The following MDN1 variants were observed in gnomAD, a reference collection of about 807,000 sequenced individuals.
MDN1 encodes midasin AAA ATPase 1.
MDN1 carries 266 observed loss-of-function variants against 669.2 expected under a neutral mutation model. The ratio of observed to expected loss-of-function variants is 0.40; its 90% CI spans 0.36 to 0.44. The LOEUF is 0.44. MDN1 is among the 20% of genes least tolerant of loss of function. The pLI is 1.00. For missense variants in MDN1, 5,940 were observed against 6,754.0 expected (o/e 0.88, Z 4.22); for synonymous variants, 2,385 against 2,457.1 (o/e 0.97, Z 0.87).
At chr6:89,683,060 G>A (rs963266095) in intron 73 of MDN1, 72 bp downstream of exon 73, 4 of 1,460,242 alleles carry the variant, frequency 2.7e-6, no homozygotes, top group Non-Finnish European at 1.9e-6. Context: ...ACTGAGGCAT[G>A]CCTTGCACAT....
intron 84 of MDN1, among the ~76,000 whole-genome samples, chr6:89,665,363 G>C (rs1441419305): frequency 1.3e-5 from 2 of 151,958 alleles, no homozygotes; most frequent in Non-Finnish European, 2.9e-5. Flanking sequence ...TGTGCTATTT[G>C]GGGCAAAAAG....
chr6:89,681,399 C>A (rs923019195), intron 73 of MDN1, among the ~76,000 whole-genome samples: 8 of 152,178 alleles, frequency 5.3e-5, no homozygotes, highest in Non-Finnish European at 7.3e-5. Context: ...GTTTCGAACT[C>A]CTGGTCTCAA....
intron 20 of MDN1, 39 bp downstream of exon 20, chr6:89,756,238 A>G: frequency 1.0e-6 from 1 of 1,004,636 alleles, no homozygotes; most frequent in African/African-American, 1.7e-5. Context: ...TTTCATGTTC[A>G]GAGAAAGAGC....
chr6:89,809,865 T>C (rs1270191904), intron 1 of MDN1, among the ~76,000 whole-genome samples: 1 of 148,996 alleles, frequency 6.7e-6, no homozygotes, highest in Non-Finnish European at 1.5e-5. Context: ...GGTGTATGCC[T>C]GTAGTCCCTA....
chr6:89,761,793 T>C lies in MDN1; in HGVS notation c.2357-45A>G, dbSNP rs192993461. 1.7e-3 allele frequency: 2,281 copies of C among 1,317,622 alleles called. 3 individuals carry two copies. Among genetic ancestry groups the C allele is most frequent in the Admixed American group, 3.0e-3 (155 of 52,202 alleles). The allele number at this position is 1,317,622 out of a possible 1,614,324, so 81.6% of individuals were successfully genotyped here. ...ATTCAGCACACATTTTGAATTGTAA[T>C]ATATACAACTTCTAAACAAACAAAT... On this transcript the variant is annotated intron_variant, in intron 16 of 101. Coordinates refer to ENST00000369393, the MANE Select transcript of MDN1 (RefSeq NM_014611.3).
At position 89,684,922 on chromosome 6, in the gene MDN1, T is replaced by C. The variant is rs537514971; in HGVS notation, c.11783A>G (p.Gln3928Arg). ...GGAACGAAGTTCCACAATTTTGGCC[T>C]GGACCCGGTCAAAGAATTGCTTGTA... is the stretch of plus-strand genomic sequence containing the variant. Reference protein sequence around the residue: ...HYYKQFFDRVQAKIVELRSPL... With the variant: ...HYYKQFFDRVRAKIVELRSPL... Residue 3928 changes from glutamine (Q) to arginine (R), a missense_variant, in exon 71 of 102, where the codon CAG (glutamine) becomes CGG (arginine). Gln to Arg is a conservative substitution (Grantham distance 43). Coordinates refer to ENST00000369393, the MANE Select transcript of MDN1 (RefSeq NM_014611.3). 6.2e-7 allele frequency: 1 copy of C among 1,613,484 alleles called. No individual in the cohort carries two copies. Among genetic ancestry groups the C allele is most frequent in the Non-Finnish European group, 8.5e-7 (1 of 1,179,524 alleles).
chr6:89,819,645 C>T lies in MDN1; in HGVS notation c.-38G>A, dbSNP rs1158963471. ...TCACCCCGAGCGGCCACCTGCGCTC[C>T]CTACTTCGCGGCCAGCGTCCCCAAG... On this transcript the variant is annotated 5_prime_UTR_variant, in exon 1 of 102. Transcript: ENST00000369393. The T allele has an allele frequency of 1.9e-6, 3 of 1,565,150 alleles. No individual in the cohort carries two copies. The Admixed American group carries it at 5.0e-5, about 26-fold the overall frequency.
At chr6:89,773,418 C>T (rs1363367180) in intron 13 of MDN1, among the ~76,000 whole-genome samples, 1 of 150,826 alleles carries the variant, frequency 6.6e-6, no homozygotes, top group Non-Finnish European at 1.5e-5. Flanking sequence ...TGGATGCCTG[C>T]AGTTCCAGCT....
intron 85 of MDN1, 32 bp from the exon 86 acceptor site, chr6:89,662,999 C>A: frequency 6.2e-7 from 1 of 1,612,742 alleles, no homozygotes. Context: ...TTAGGCAGAT[C>A]TCCAAACTGA....
chr6:89,816,221 G>A (rs910390889), intron 1 of MDN1, among the ~76,000 whole-genome samples: 1 of 151,558 alleles, frequency 6.6e-6, no homozygotes. Flanking sequence ...CTAACATGGT[G>A]AAACCCCGTC....
rs932872883 is a variant in MDN1, at chr6:89,686,062, G to A, written c.11573-89C>T. 26 of 1,285,564 alleles carry A rather than the reference G, an allele frequency of 2.0e-5. No homozygotes were observed. In the African/African-American group the frequency reaches 2.1e-4, roughly 10 times the overall value. 79.6% of individuals were successfully genotyped at this position (1,285,564 alleles called of 1,614,324 possible). ...GCACGCAATCTATTTGGGATACTAC[G>A]GATGGCCAAGAGGTAGACATCACAA... On this transcript the variant is annotated intron_variant, in intron 69 of 101. Transcript: ENST00000369393.
At chr6:89,755,693 C>T (rs932077386) in intron 20 of MDN1, among the ~76,000 whole-genome samples, 7 of 152,208 alleles carry the variant, frequency 4.6e-5, no homozygotes, top group African/African-American at 1.4e-4. Flanking sequence ...GTTACTGGCC[C>T]AGAATGACAC....
intron 61 of MDN1, among the ~76,000 whole-genome samples, chr6:89,694,530 C>A (rs1812599981): frequency 6.6e-6 from 1 of 152,156 alleles, no homozygotes; most frequent in Non-Finnish European, 1.5e-5. Context: ...GCAAGGGATA[C>A]CACATTACCC....
chr6:89,729,249 T>C, intron 35 of MDN1, 110 bp from the exon 36 acceptor site: 3 of 793,564 alleles, frequency 3.8e-6, no homozygotes, highest in South Asian at 1.8e-5. Flanking sequence ...GTTAGTGAAA[T>C]ACCATTTGCA....
chr6:89,720,135 A>C (rs957391146), intron 40 of MDN1, among the ~76,000 whole-genome samples: 1 of 152,204 alleles, frequency 6.6e-6, no homozygotes, highest in Admixed American at 6.6e-5. Context: ...ATAAAATCAT[A>C]ATCAGTGTCA....
At chr6:89,747,507 G>A in intron 26 of MDN1, 37 bp from the exon 27 acceptor site, 1 of 1,595,526 alleles carries the variant, frequency 6.3e-7, no homozygotes. Flanking sequence ...AGGGGCATCA[G>A]CTGCAATGCA....
At chr6:89,685,651 T>A (rs1376509919) in intron 70 of MDN1, among the ~76,000 whole-genome samples, 176 bp downstream of exon 70, 3 of 152,322 alleles carry the variant, frequency 2.0e-5, no homozygotes, top group Non-Finnish European at 2.9e-5. Context: ...CTTATAACCA[T>A]CTGCACCTCA....
chr6:89,741,364 C>T (rs1249192002), intron 31 of MDN1, among the ~76,000 whole-genome samples: 1 of 152,140 alleles, frequency 6.6e-6, no homozygotes, highest in Non-Finnish European at 1.5e-5. Flanking sequence ...CCTGTCCTAA[C>T]TGACTCCATC....
chr6:89,794,262 T>C, intron 3 of MDN1, 55 bp from the exon 4 acceptor site: 1 of 1,030,406 alleles, frequency 9.7e-7, no homozygotes, highest in Non-Finnish European at 1.4e-6. Flanking sequence ...TAATAAAGAA[T>C]AAATAAAATC....
Sources: gnomAD v4.1 joint callset for allele counts (sites outside exome capture counted in the v4.1 genomes callset) on GRCh38, gnomAD v4.1.1 for gene constraint, MANE v1.5 for transcripts, NCBI Gene and HGNC (gene_info 2026-07-23, HGNC 2026-07-21) for gene names.